Variants in IGLL5 observed in about 807,000 individuals in gnomAD.
IGLL5 encodes immunoglobulin lambda like polypeptide 5.
In IGLL5, 30 loss-of-function variants were observed where a neutral mutation model predicts 20.9. That is an observed-to-expected ratio of 1.44 (90% CI 1.07 to 1.95). The LOEUF (loss-of-function observed/expected upper bound fraction) is 1.95. IGLL5 is among the 30% of genes most tolerant of loss of function. The pLI, the probability that IGLL5 is intolerant of heterozygous loss-of-function variation, is 0.00. For synonymous variants in IGLL5, 203 were observed against 117.3 expected, an observed-to-expected ratio of 1.73 and a Z score of -4.72; for missense variants, 475 against 270.7, an observed-to-expected ratio of 1.75 and a Z score of -5.30.
Position 22,895,946 on chromosome 22 carries a change from C to T in IGLL5, c.*252C>T, listed in dbSNP as rs1348797548. The T allele has an allele frequency of 1.7e-6, 1 of 587,538 alleles. No individual in the cohort carries two copies. The highest frequency in any genetic ancestry group is 3.0e-5 in the Admixed American group (1 of 33,328). 36.4% of individuals were successfully genotyped at this position (587,538 alleles called of 1,614,324 possible). On this transcript the variant is annotated 3_prime_UTR_variant, in exon 3 of 3. Coordinates refer to ENST00000526893, the MANE Select transcript of IGLL5 (RefSeq NM_001178126.2). ...TGTGAAAATCACCCAAGGGAGGAGG[C>T]TCACAGCCTCCCTGAGTCATCTCCC...
chr22:22,888,857 G>T (rs2067656914), intron 1 of IGLL5, among the ~76,000 whole-genome samples: 3 of 151,448 alleles, frequency 2.0e-5, no homozygotes, highest in Admixed American at 6.6e-5. Flanking sequence ...GAGCAATAAA[G>T]GGAGAGGGGA....
intron 1 of IGLL5, among the ~76,000 whole-genome samples, chr22:22,890,000 A>G (rs2067768211): frequency 6.6e-6 from 1 of 151,130 alleles, no homozygotes; most frequent in East Asian, 2.0e-4. Flanking sequence ...ACCTAATTTT[A>G]ATGTGGCTTT....
chr22:22,889,436 A>T lies in IGLL5; in HGVS notation c.206+1177A>T, dbSNP rs184443786. ...TGGGCAATTCCACTTCTAGGAATTT[A>T]TCCTAAGGGTTGGTTGGGGGAATAA... On this transcript the variant is annotated intron_variant, in intron 1 of 2. Coordinates refer to ENST00000526893, the MANE Select transcript of IGLL5 (RefSeq NM_001178126.2). 1.3e-5 allele frequency among the ~76,000 whole-genome samples: 2 copies of T among 151,318 alleles called. 1 individual carries two copies. The highest frequency in any genetic ancestry group is 2.9e-5 in the Non-Finnish European group (2 of 67,860).
intron 1 of IGLL5, among the ~76,000 whole-genome samples, chr22:22,892,046 G>A (rs1414853996): frequency 6.6e-6 from 1 of 151,116 alleles, no homozygotes; most frequent in East Asian, 2.0e-4. Context: ...ACAATATGCT[G>A]AATAATAAAA....
At chr22:22,890,214 C>T (rs2067784711) in intron 1 of IGLL5, among the ~76,000 whole-genome samples, 1 of 149,126 alleles carries the variant, frequency 6.7e-6, no homozygotes, top group East Asian at 2.1e-4. Context: ...AAAGCAAGTG[C>T]TTCTGCTTAC....
intron 1 of IGLL5, among the ~76,000 whole-genome samples, chr22:22,889,485 T>G (rs58503484): frequency 6.6e-6 from 1 of 151,340 alleles, no homozygotes; most frequent in African/African-American, 2.4e-5. Flanking sequence ...CAAATCTTTA[T>G]AACAAGGGTG....
rs914248800 is a variant in IGLL5, at chr22:22,893,756, T to A, written c.263T>A (p.Phe88Tyr). Residue 88 changes from phenylalanine to tyrosine, a missense_variant, in exon 2 of 3, where the codon TTT becomes TAT. Transcript: ENST00000526893. Reference protein sequence around the residue: ...RADPRCWPRGFWSEPQSLCYV... With the variant: ...RADPRCWPRGYWSEPQSLCYV... ...GACCCCAGGTGCTGGCCCCGGGGGT[T>A]TTGGTCTGAGCCTCAGTCACTGTGT... 8 of 1,606,116 alleles carry A rather than the reference T, an allele frequency of 5.0e-6. No homozygotes were observed. In the African/African-American group the frequency reaches 1.1e-4, roughly 22 times the overall value.
At chr22:22,894,659 T>C (rs1342394270) in intron 2 of IGLL5, among the ~76,000 whole-genome samples, 2 of 148,384 alleles carry the variant, frequency 1.3e-5, no homozygotes, top group South Asian at 2.2e-4. Flanking sequence ...TTTGGGGTCA[T>C]CACAGGCTGC....
At chr22:22,894,447 C>G (rs575920823) in intron 2 of IGLL5, among the ~76,000 whole-genome samples, 5 of 151,490 alleles carry the variant, frequency 3.3e-5, no homozygotes, top group Middle Eastern at 7.5e-3. Flanking sequence ...AGAATCCAAC[C>G]CTCCCAGGAC....
intron 1 of IGLL5, among the ~76,000 whole-genome samples, chr22:22,888,554 A>C (rs569005730): frequency 3.3e-5 from 5 of 151,336 alleles, no homozygotes; most frequent in South Asian, 2.1e-4. Context: ...CTGGGTAGGG[A>C]AGGAACAGAG....
At chr22:22,888,424 T>C (rs181805234) in intron 1 of IGLL5, among the ~76,000 whole-genome samples, 165 bp downstream of exon 1, 8 of 151,354 alleles carry the variant, frequency 5.3e-5, no homozygotes, top group African/African-American at 1.2e-4. Context: ...CCATCACAGA[T>C]TTGTTTGAAT....
rs534077784 is a variant in IGLL5, at chr22:22,888,244, G to T, written c.191G>T (p.Arg64Leu). 1.1e-5 allele frequency: 17 copies of T among 1,547,734 alleles called. No individual in the cohort carries two copies. The highest frequency in any genetic ancestry group is 5.5e-5 in the African/African-American group (4 of 72,732). ...ASVGSSRSSLRSLWGRLLLQP... is the reference protein window; with the variant it reads ...ASVGSSRSSLLSLWGRLLLQP... ...GTTGGAAGCAGCCGATCCAGCCTGC[G>T]GAGCCTGTGGGGCAGGTAAGGGGCA... Residue 64 changes from arginine (R) to leucine (L), a missense_variant, in exon 1 of 3, where the codon CGG (arginine) becomes CTG (leucine). By Grantham distance (102) the Arg-to-Leu change is moderately radical. Transcript: ENST00000526893.
In IGLL5 at chr22:22,889,589, CTGT is replaced by C. The variant is rs1408527039; in HGVS notation, c.206+1338_206+1340del. On this transcript the variant is annotated intron_variant, in intron 1 of 2. Transcript: ENST00000526893. ...AAAAAACACAATTGTATTTGGGGGA[CTGT>C]TGTTGTTTTTGTTTTGAAACAGTCT... 7.9e-5 allele frequency among the ~76,000 whole-genome samples: 12 copies of C among 151,128 alleles called. No individual in the cohort carries two copies. The South Asian group carries it at 1.9e-3, about 24-fold the overall frequency.
At chr22:22,888,761 T>C (rs2067643679) in intron 1 of IGLL5, among the ~76,000 whole-genome samples, 4 of 151,354 alleles carry the variant, frequency 2.6e-5, no homozygotes, top group Admixed American at 1.3e-4. Context: ...AAATGCTTAC[T>C]GGGGCCAGGC....
At chr22:22,894,974 A>T (rs1349503014) in intron 2 of IGLL5, among the ~76,000 whole-genome samples, 1 of 151,392 alleles carries the variant, frequency 6.6e-6, no homozygotes, top group Middle Eastern at 3.8e-3. Context: ...TTCACGGAGG[A>T]GGCTCTAGGT....
intron 1 of IGLL5, among the ~76,000 whole-genome samples, chr22:22,888,602 T>C (rs553708628): frequency 2.0e-5 from 3 of 151,182 alleles, no homozygotes; most frequent in Non-Finnish European, 2.9e-5. Flanking sequence ...GTGGCCACTG[T>C]CCCCACAGGG....
At chr22:22,893,849 C>G (rs376175442) in intron 2 of IGLL5, 31 bp downstream of exon 2, 10 of 1,401,322 alleles carry the variant, frequency 7.1e-6, no homozygotes, top group Admixed American at 3.4e-5. Context: ...CCCAGCCTGT[C>G]TCACCCTCTG....
In IGLL5 at chr22:22,888,251, G is replaced by C. The variant is rs758705312; in HGVS notation, c.198G>C (p.Leu66=). The part of the protein sequence containing the change: ...VGSSRSSLRS[L]WGRLLLQPSP... The stretch of plus-strand genomic sequence containing the variant: ...GCAGCCGATCCAGCCTGCGGAGCCT[G>C]TGGGGCAGGTAAGGGGCAAGAGATT... Residue 66 remains leucine, a synonymous_variant, in exon 1 of 3, where the codon CTG becomes CTC. Transcript: ENST00000526893. The C allele has an allele frequency of 1.3e-6, 2 of 1,547,686 alleles. No individual in the cohort carries two copies. Among genetic ancestry groups the C allele is most frequent in the African/African-American group, 1.4e-5 (1 of 72,840 alleles).
At chr22:22,892,798 A>G (rs531301062) in intron 1 of IGLL5, among the ~76,000 whole-genome samples, 1 of 151,080 alleles carries the variant, frequency 6.6e-6, no homozygotes, top group East Asian at 2.0e-4. Flanking sequence ...AAATTAGGAG[A>G]CTACAGAGAG....
Sources: allele counts gnomAD v4.1 joint callset (sites outside exome capture counted in the v4.1 genomes callset), GRCh38; gene constraint gnomAD v4.1.1; transcripts MANE v1.5; gene names NCBI Gene and HGNC (gene_info 2026-07-23, HGNC 2026-07-21).